Variants in PIAS2 observed in about 807,000 individuals in gnomAD.
PIAS2 encodes protein inhibitor of activated STAT 2.
In PIAS2, 19 loss-of-function variants were observed where a neutral mutation model predicts 69.7. The ratio of observed to expected loss-of-function variants is 0.27; its 90% CI spans 0.19 to 0.40. The LOEUF (loss-of-function observed/expected upper bound fraction) is 0.40. Among genes scored for constraint, PIAS2 ranks in the 10% least tolerant of loss-of-function variants. The probability of loss-of-function intolerance (pLI) is 1.00; values close to 1 mark genes in which losing one functional copy is unlikely to be tolerated. For synonymous variants in PIAS2, 261 were observed against 263.2 expected (o/e 0.99, Z 0.08); for missense variants, 624 against 757.0 (o/e 0.82, Z 2.06).
chr18:46,814,342 C>T (rs2041280347), intron 13 of PIAS2, among the ~76,000 whole-genome samples: 2 of 152,130 alleles, frequency 1.3e-5, no homozygotes, highest in Non-Finnish European at 2.9e-5. Context: ...CCTCTAGGTT[C>T]CAAGATAATT....
At chr18:46,882,985 G>C (rs2052529231) in intron 2 of PIAS2, among the ~76,000 whole-genome samples, 1 of 151,732 alleles carries the variant, frequency 6.6e-6, no homozygotes, top group Admixed American at 6.6e-5. Context: ...CCAGCTATTG[G>C]GGAGGCTGCG....
intron 10 of PIAS2, among the ~76,000 whole-genome samples, 162 bp downstream of exon 10, chr18:46,829,572 A>C (rs765196744): frequency 6.6e-6 from 1 of 152,228 alleles, no homozygotes; most frequent in Admixed American, 6.5e-5. Flanking sequence ...ACTTTAGCAC[A>C]TTCCTTCAGG....
At chr18:46,820,423 C>T (rs1343109126) in intron 12 of PIAS2, among the ~76,000 whole-genome samples, 1 of 151,988 alleles carries the variant, frequency 6.6e-6, no homozygotes. Flanking sequence ...GAACTTATCC[C>T]CCGTGGATAA....
chr18:46,863,788 C>T (rs989815705), intron 3 of PIAS2, among the ~76,000 whole-genome samples: 1 of 152,218 alleles, frequency 6.6e-6, no homozygotes, highest in Admixed American at 6.5e-5. Context: ...AATTGTGTAT[C>T]CCCAAAATTT....
Position 46,807,148 on chromosome 18 carries a change from G to A in PIAS2, c.*5285C>T, listed in dbSNP as rs2040725119. 6.6e-6 allele frequency: 1 copy of A among 151,314 alleles called. No homozygotes were observed. The highest frequency in any genetic ancestry group is 6.6e-5 in the Admixed American group (1 of 15,188). 9.4% of individuals were successfully genotyped at this position (151,314 alleles called of 1,614,324 possible). On this transcript the variant is annotated 3_prime_UTR_variant, in exon 14 of 14. Coordinates refer to ENST00000585916, the MANE Select transcript of PIAS2 (RefSeq NM_004671.5). ...TGGGGAGCTCAGAAAGGCCATAATG[G>A]GGCCTACAGGAAGAGGAAAAAGAGA...
intron 2 of PIAS2, among the ~76,000 whole-genome samples, chr18:46,875,283 T>C (rs2050987049): frequency 6.6e-6 from 1 of 152,182 alleles, no homozygotes; most frequent in African/African-American, 2.4e-5. Context: ...AGATGTTTGG[T>C]GGACCACCCA....
intron 1 of PIAS2, among the ~76,000 whole-genome samples, chr18:46,898,356 G>A (rs980624026): frequency 6.6e-6 from 1 of 151,838 alleles, no homozygotes; most frequent in Non-Finnish European, 1.5e-5. Flanking sequence ...TGTTGGCCAG[G>A]TTGGTCTTGA....
In PIAS2 at chr18:46,864,213, A is replaced by G; in HGVS notation, c.535T>C (p.Phe179Leu). 1 of 1,599,490 alleles carries G rather than the reference A, an allele frequency of 6.3e-7. No individual in the cohort carries two copies. Among genetic ancestry groups the G allele is most frequent in the Non-Finnish European group, 8.5e-7 (1 of 1,173,542 alleles). The change falls in exon 3 of 14, where the codon TTT becomes CTT. Residue 179 changes from phenylalanine to leucine, a missense_variant. Coordinates refer to ENST00000585916, the MANE Select transcript of PIAS2 (RefSeq NM_004671.5). ...SSIQRFQEKF[F>L]IFALTPQQVR... is the part of the protein sequence containing the mutation. ...TGTTGAGGTGTCAAAGCAAAAATAA[A>G]AAACTTCTCTTGAAATCGCTGAATA... is the stretch of plus-strand genomic sequence containing the variant.
At chr18:46,815,969 G>C (rs59760657) in intron 12 of PIAS2, 2 of 985,226 alleles carry the variant, frequency 2.0e-6, no homozygotes, top group African/African-American at 3.5e-5. Flanking sequence ...TTCGATTTTA[G>C]AAAGAGGAAT....
chr18:46,850,844 G>A (rs1190765649), intron 5 of PIAS2, among the ~76,000 whole-genome samples: 1 of 152,154 alleles, frequency 6.6e-6, no homozygotes, highest in African/African-American at 2.4e-5. Flanking sequence ...TCCATAAAGA[G>A]CTTGACCACA....
intron 12 of PIAS2, among the ~76,000 whole-genome samples, chr18:46,819,949 T>C (rs2041986381): frequency 6.6e-6 from 1 of 152,170 alleles, no homozygotes; most frequent in South Asian, 2.1e-4. Context: ...TCCAAGATTT[T>C]GCGTTCTGTG....
chr18:46,917,563 C>A (rs1477130131), upstream of PIAS2: 11 of 1,101,894 alleles, frequency 1.0e-5, no homozygotes, highest in Non-Finnish European at 1.1e-5. Context: ...TAGCGGTGCC[C>A]CCTGCCCACC....
At chr18:46,863,762 C>A (rs549049868) in intron 3 of PIAS2, among the ~76,000 whole-genome samples, 7 of 152,102 alleles carry the variant, frequency 4.6e-5, no homozygotes, top group African/African-American at 1.7e-4. Flanking sequence ...AGAAACAGGT[C>A]AACTGTTATG....
intron 12 of PIAS2, chr18:46,815,696 A>G (rs2041443190): frequency 3.0e-6 from 3 of 998,104 alleles, no homozygotes; most frequent in Non-Finnish European, 3.6e-6. Flanking sequence ...GAACCATCTA[A>G]AAAAAAAAAC....
intron 3 of PIAS2, among the ~76,000 whole-genome samples, chr18:46,858,298 T>C (rs1207487041): frequency 6.6e-6 from 1 of 150,984 alleles, no homozygotes; most frequent in African/African-American, 2.4e-5. Flanking sequence ...GAGGTACCAT[T>C]AGAGTGTGTT....
At chr18:46,829,568 G>A (rs2043295914) in intron 10 of PIAS2, among the ~76,000 whole-genome samples, 166 bp downstream of exon 10, 1 of 152,068 alleles carries the variant, frequency 6.6e-6, no homozygotes, top group South Asian at 2.1e-4. Flanking sequence ...ATAAACTTTA[G>A]CACATTCCTT....
chr18:46,884,494 G>A (rs1179991738), intron 2 of PIAS2, among the ~76,000 whole-genome samples: 1 of 151,746 alleles, frequency 6.6e-6, no homozygotes, highest in Non-Finnish European at 1.5e-5. Context: ...TGTGTTTTTA[G>A]TAGAGTCGGG....
intron 11 of PIAS2, among the ~76,000 whole-genome samples, chr18:46,821,842 C>T (rs975343653): frequency 6.6e-6 from 1 of 152,124 alleles, no homozygotes; most frequent in African/African-American, 2.4e-5. Context: ...TATAGAATTA[C>T]TTTATAATTT....
At chr18:46,900,865 TCAGGAGGCTGAGG>T (rs1323900785) in intron 1 of PIAS2, among the ~76,000 whole-genome samples, 4 of 151,822 alleles carry the variant, frequency 2.6e-5, no homozygotes, top group Non-Finnish European at 2.9e-5. Context: ...TCCCAGCTGC[TCAGGAGGCTGAGG>T]CAGAAGAATC....
Sources: gnomAD v4.1 joint callset for allele counts (sites outside exome capture counted in the v4.1 genomes callset) on GRCh38, gnomAD v4.1.1 for gene constraint, MANE v1.5 for transcripts, NCBI Gene and HGNC (gene_info 2026-07-23, HGNC 2026-07-21) for gene names.